The following PI4KA variants were observed in gnomAD, a reference collection of about 807,000 sequenced individuals.
PI4KA encodes the protein PI4-kinase alpha.
PI4KA carries 122 observed loss-of-function variants against 271.4 expected under a neutral mutation model. That is an observed-to-expected ratio of 0.45 (90% CI 0.39 to 0.52). The LOEUF (loss-of-function observed/expected upper bound fraction) is 0.52, where lower values mean the gene tolerates loss of function less well. PI4KA is among the 20% of genes least tolerant of loss of function. PI4KA has a pLI of 0.00. For missense variants in PI4KA, 1,969 were observed against 2,769.1 expected (o/e 0.71, Z 6.48); for synonymous variants, 1,041 against 1,078.8 (o/e 0.96, Z 0.69).
rs948854191 is a variant in PI4KA, at chr22:20,858,793, C to T, written c.-68G>A. 8 of 1,367,052 alleles carry T rather than the reference C, an allele frequency of 5.9e-6. No individual in the cohort carries two copies. Among genetic ancestry groups the T allele is most frequent in the Non-Finnish European group, 6.6e-6 (7 of 1,056,828 alleles). The allele number at this position is 1,367,052 out of a possible 1,614,324, so 84.7% of individuals were successfully genotyped here. On this transcript the variant is annotated 5_prime_UTR_variant, in exon 1 of 55. Coordinates refer to ENST00000255882, the MANE Select transcript of PI4KA (RefSeq NM_058004.4). Reference sequence around the variant, plus strand: ...GGCCCGCGAGCGCCCGACCTCAGGGCGCAGGCGTAGGTGCATCCGGCTTTC... The same window carrying T: ...GGCCCGCGAGCGCCCGACCTCAGGGTGCAGGCGTAGGTGCATCCGGCTTTC...
chr22:20,818,421 G>T, intron 7 of PI4KA, 62 bp downstream of exon 7: 1 of 1,272,418 alleles, frequency 7.9e-7, no homozygotes, highest in Non-Finnish European at 1.1e-6. Context: ...ATCACGAGAA[G>T]TCACTGTGAG....
chr22:20,783,131 G>A (rs1425180160), intron 19 of PI4KA, among the ~76,000 whole-genome samples: 2 of 152,218 alleles, frequency 1.3e-5, no homozygotes, highest in African/African-American at 2.4e-5. Flanking sequence ...TCAACTACTA[G>A]TCACCCATTA....
intron 19 of PI4KA, chr22:20,787,862 A>G (rs1473807627): frequency 6.5e-6 from 1 of 154,030 alleles, no homozygotes; most frequent in East Asian, 1.9e-4. Flanking sequence ...TTCTCAGGAC[A>G]GGACAGGTGT....
At chr22:20,837,933 A>C (rs1047305081) in intron 2 of PI4KA, among the ~76,000 whole-genome samples, 39 of 152,130 alleles carry the variant, frequency 2.6e-4, no homozygotes, top group Non-Finnish European at 5.3e-4. Context: ...AGCCTGCCCA[A>C]CATGGAGAAA....
Position 20,769,531 on chromosome 22 carries a change from T to C in PI4KA, c.2329-3838A>G, listed in dbSNP as rs571197584. Among the ~76,000 whole-genome samples the C allele has an allele frequency of 6.6e-5, 10 of 152,054 alleles. No individual in the cohort carries two copies. The East Asian group carries it at 1.6e-3, about 24-fold the overall frequency. On this transcript the variant is annotated intron_variant, in intron 19 of 54. Transcript: ENST00000255882. ...AAAAATACAAAAAATTAGCCAGGCG[T>C]GGTGGCACACACCTGTAGTCCCAGG...
chr22:20,734,826 G>A (rs1928520596), intron 32 of PI4KA, among the ~76,000 whole-genome samples: 1 of 152,066 alleles, frequency 6.6e-6, no homozygotes, highest in Admixed American at 6.5e-5. Context: ...CAGCACCCGG[G>A]ATGTACCTGA....
chr22:20,726,430 A>G, intron 42 of PI4KA, 58 bp downstream of exon 42: 1 of 1,415,812 alleles, frequency 7.1e-7, no homozygotes, highest in Non-Finnish European at 9.3e-7. Context: ...ACCGGGCACA[A>G]GCTGGTGTGG....
At chr22:20,730,049 G>A in intron 36 of PI4KA, 38 bp from the exon 37 acceptor site, 1 of 1,605,128 alleles carries the variant, frequency 6.2e-7, no homozygotes, top group Middle Eastern at 1.7e-4. Context: ...GAGTGAGGTG[G>A]CTCAAGAAAA....
intron 1 of PI4KA, among the ~76,000 whole-genome samples, chr22:20,845,986 T>C (rs1271544830): frequency 3.3e-5 from 5 of 152,066 alleles, no homozygotes; most frequent in African/African-American, 9.7e-5. Context: ...AGCCGGGCGC[T>C]GTGGCTCACG....
In PI4KA at chr22:20,742,741, T is replaced by G. The variant is rs573243100; in HGVS notation, c.3480A>C (p.Ser1160=). The G allele has an allele frequency of 1.2e-6, 2 of 1,614,126 alleles. No homozygotes were observed. The highest frequency in any genetic ancestry group is 2.7e-5 in the African/African-American group (2 of 75,038). Residue 1160 remains serine, a synonymous_variant, in exon 31 of 55, where the codon TCA becomes TCC. Transcript: ENST00000255882. ...AGEVYGMIRF[S]GTTGQMSDLN... is the part of the protein sequence containing the mutation. ...GGTCAGACATCTGGCCTGTGGTGCC[T>G]GAGAACCGAATCATTCCATACACCT...
rs1930860674 is a variant in PI4KA at position 20,752,888 on chromosome 22, G to A, written c.2987+15C>T. The A allele has an allele frequency of 1.4e-5, 22 of 1,612,964 alleles. No individual in the cohort carries two copies. Among genetic ancestry groups the A allele is most frequent in the Non-Finnish European group, 1.7e-5 (20 of 1,179,058 alleles). ...TATACATACACACAAAACATTAGCA[G>A]GAAAATGAGCTTACTTATCCACCAG... On this transcript the variant is annotated intron_variant, in intron 25 of 54. Coordinates refer to ENST00000255882, the MANE Select transcript of PI4KA (RefSeq NM_058004.4).
At chr22:20,854,164 A>G (rs1414990769) in intron 1 of PI4KA, among the ~76,000 whole-genome samples, 1 of 152,180 alleles carries the variant, frequency 6.6e-6, no homozygotes, top group Admixed American at 6.5e-5. Context: ...TTTGTCGCCC[A>G]AGCCAGAATG....
chr22:20,725,852 C>T, intron 42 of PI4KA: 1 of 223,588 alleles, frequency 4.5e-6, no homozygotes, highest in Non-Finnish European at 9.5e-6. Flanking sequence ...GTTGAGGCTG[C>T]AGTGAGCTGA....
Position 20,805,533 on chromosome 22 carries a change from TAAGA to T in PI4KA, c.1169-372_1169-369del, listed in dbSNP as rs1205809536. 3.3e-5 allele frequency among the ~76,000 whole-genome samples: 5 copies of T among 152,274 alleles called. No individual in the cohort carries two copies. The East Asian group carries it at 9.7e-4, about 29-fold the overall frequency. ...ATACTTCTGTGATTTTTTTTTCTTT[TAAGA>T]AAGAGGTTGTCAGGGCCAGGCGCGG... is the stretch of plus-strand genomic sequence containing the variant. On this transcript the variant is annotated intron_variant, in intron 10 of 54. Coordinates refer to ENST00000255882, the MANE Select transcript of PI4KA (RefSeq NM_058004.4).
intron 23 of PI4KA, among the ~76,000 whole-genome samples, chr22:20,759,393 TTTTCTTTTC>T: frequency 6.9e-6 from 1 of 144,440 alleles, no homozygotes; most frequent in East Asian, 2.1e-4. Flanking sequence ...TTTCTTTTTC[TTTTCTTTTC>T]TTTTTTTTTT....
chr22:20,847,693 G>A (rs1179182560), intron 1 of PI4KA, among the ~76,000 whole-genome samples: 2 of 151,648 alleles, frequency 1.3e-5, no homozygotes, highest in African/African-American at 2.4e-5. Context: ...GCTATAGTAA[G>A]CTGTGATAAT....
chr22:20,813,159 C>A (rs1040760446), intron 8 of PI4KA, among the ~76,000 whole-genome samples, 199 bp downstream of exon 8: 1 of 152,110 alleles, frequency 6.6e-6, no homozygotes, highest in Non-Finnish European at 1.5e-5. Flanking sequence ...CATGGTTGCT[C>A]AAGAATGAAA....
chr22:20,809,597 G>T (rs182869553), intron 9 of PI4KA, among the ~76,000 whole-genome samples: 1 of 152,214 alleles, frequency 6.6e-6, no homozygotes, highest in Admixed American at 6.5e-5. Flanking sequence ...GCCCAGCCCA[G>T]CTCTCGCCCT....
intron 29 of PI4KA, chr22:20,747,376 G>T: frequency 2.4e-6 from 1 of 423,256 alleles, no homozygotes. Context: ...AAAAAAAAAA[G>T]CACAATAAGG....
Sources: allele counts gnomAD v4.1 joint callset (sites outside exome capture counted in the v4.1 genomes callset), GRCh38; gene constraint gnomAD v4.1.1; transcripts MANE v1.5; gene names NCBI Gene and HGNC (gene_info 2026-07-23, HGNC 2026-07-21).